MGST1: variants seen among roughly 807,000 people sequenced by gnomAD.
MGST1 encodes microsomal glutathione S-transferase 1.
MGST1 carries 5 observed loss-of-function variants against 8.9 expected under a neutral mutation model. The observed-to-expected ratio is 0.56, with a 90% confidence interval of 0.29 to 1.19. The LOEUF (loss-of-function observed/expected upper bound fraction) is 1.19. MGST1 is among the 50% of genes most tolerant of loss of function. The pLI is 0.08. For synonymous variants in MGST1, 54 were observed against 67.8 expected (o/e 0.80, Z 1.00); for missense variants, 182 against 187.4 (o/e 0.97, Z 0.17).
chr12:16,566,232 A>G (rs1475296898), intron 4 of MGST1, among the ~76,000 whole-genome samples: 1 of 151,468 alleles, frequency 6.6e-6, no homozygotes, highest in African/African-American at 2.4e-5. Context: ...AGTGATTACC[A>G]GAGACTGGGA....
chr12:16,567,698 C>T (rs2137402900), intron 4 of MGST1: 1 of 152,184 alleles, frequency 6.6e-6, no homozygotes, highest in Admixed American at 6.5e-5. Flanking sequence ...GTAGAGAAAC[C>T]TACACAGCCT....
intron 4 of MGST1, chr12:16,551,347 TAAAA>T: frequency 7.1e-7 from 1 of 1,406,458 alleles, no homozygotes; most frequent in Non-Finnish European, 1.0e-6. Context: ...TTTTAAACAA[TAAAA>T]TGTGGTTAAG....
In MGST1 at chr12:16,555,249, T is replaced by C. The variant is rs183261413; in HGVS notation, n.483-34279T>C. On this transcript the variant is annotated intron_variant and non_coding_transcript_variant, in intron 4 of 4. Coordinates refer to the MGST1 transcript ENST00000538857. The surrounding 1 kb of genome is among the most constrained non-coding windows in gnomAD (Gnocchi z 5.5). The stretch of plus-strand genomic sequence containing the variant: ...GAAATATTTCTCCCCTTTTTCTGTC[T>C]ACTTAAATTGTAACAATCCTTGAGT... 1.8e-3 allele frequency among the ~76,000 whole-genome samples: 269 copies of C among 152,340 alleles called. No homozygotes were observed. The highest frequency in any genetic ancestry group is 6.4e-3 in the African/African-American group (265 of 41,574).
chr12:16,498,555 T>C (rs960472367), intron 4 of MGST1, among the ~76,000 whole-genome samples: 1 of 152,182 alleles, frequency 6.6e-6, no homozygotes, highest in African/African-American at 2.4e-5. Flanking sequence ...GTAGTACATC[T>C]CTTCTCAGGT....
At chr12:16,488,872 G>A (rs755450767) in intron 4 of MGST1, among the ~76,000 whole-genome samples, 1 of 152,066 alleles carries the variant, frequency 6.6e-6, no homozygotes, top group Non-Finnish European at 1.5e-5. Context: ...GCTCCAAGAG[G>A]CTGAGGCAGC....
intron 4 of MGST1, among the ~76,000 whole-genome samples, chr12:16,460,638 G>C (rs1255290955): frequency 6.7e-6 from 1 of 150,144 alleles, no homozygotes; most frequent in Non-Finnish European, 1.5e-5. Flanking sequence ...ATTCTTGGTG[G>C]TGGTGTTAAT....
chr12:16,562,741 T>C (rs1352917994), intron 4 of MGST1, among the ~76,000 whole-genome samples: 2 of 152,220 alleles, frequency 1.3e-5, no homozygotes, highest in Non-Finnish European at 2.9e-5. Flanking sequence ...GGAAAATCTA[T>C]GGCAATCTGC....
chr12:16,479,875 A>G (rs947585635), intron 4 of MGST1, among the ~76,000 whole-genome samples: 6 of 152,118 alleles, frequency 3.9e-5, no homozygotes, highest in Non-Finnish European at 7.3e-5. Context: ...AACAGAGTGG[A>G]GGGTACAGAG....
At chr12:16,510,394 A>G (rs1038844759) in intron 4 of MGST1, among the ~76,000 whole-genome samples, 1 of 152,234 alleles carries the variant, frequency 6.6e-6, no homozygotes, top group Non-Finnish European at 1.5e-5. Flanking sequence ...GTCTATTATG[A>G]GGACAGCATT....
chr12:16,539,481 A>C (rs546619897), intron 4 of MGST1, among the ~76,000 whole-genome samples: 1 of 152,320 alleles, frequency 6.6e-6, no homozygotes, highest in Non-Finnish European at 1.5e-5. Flanking sequence ...TCTAAAACTC[A>C]TCTTCTTCCA....
chr12:16,439,109 CAT>C (rs771320368), downstream of MGST1, among the ~76,000 whole-genome samples: 22 of 130,916 alleles, frequency 1.7e-4, 1 homozygote, highest in Non-Finnish European at 3.1e-4. Flanking sequence ...AAAAGTAAGA[CAT>C]GTAAAAAAAA....
chr12:16,445,039 G>A (rs142541791), intron 4 of MGST1, among the ~76,000 whole-genome samples: 35 of 151,538 alleles, frequency 2.3e-4, no homozygotes, highest in Admixed American at 4.6e-4. Flanking sequence ...TGCTGAAACC[G>A]CCACATTCAT....
intron 1 of MGST1, among the ~76,000 whole-genome samples, chr12:16,398,694 A>G (rs1003976870): frequency 1.3e-5 from 2 of 152,270 alleles, no homozygotes; most frequent in Non-Finnish European, 2.9e-5. Context: ...CAGAATCTGC[A>G]TGAGGCAAGG....
chr12:16,465,404 G>T (rs74333903), intron 4 of MGST1, among the ~76,000 whole-genome samples: 1 of 152,104 alleles, frequency 6.6e-6, no homozygotes, highest in Admixed American at 6.6e-5. Context: ...CCCAAATCCC[G>T]GCCAGTTGAC....
chr12:16,486,402 T>G (rs1292626419), intron 4 of MGST1, among the ~76,000 whole-genome samples: 1 of 152,104 alleles, frequency 6.6e-6, no homozygotes, highest in African/African-American at 2.4e-5. Flanking sequence ...AGAACAATAA[T>G]AGAAAATAAG....
At chr12:16,578,961 T>C (rs1330521626) in intron 4 of MGST1, among the ~76,000 whole-genome samples, 2 of 152,230 alleles carry the variant, frequency 1.3e-5, no homozygotes, top group Non-Finnish European at 2.9e-5. Context: ...AAGTTCTTTA[T>C]TCTAATGAAG....
chr12:16,408,656 C>T (rs540580635), intron 1 of MGST1, among the ~76,000 whole-genome samples: 33 of 152,132 alleles, frequency 2.2e-4, no homozygotes, highest in African/African-American at 4.1e-4. Context: ...TTGAGATTTT[C>T]GTATTTGTGT....
At chr12:16,382,589 G>T (rs1437038625), upstream of MGST1, among the ~76,000 whole-genome samples, 1 of 152,176 alleles carries the variant, frequency 6.6e-6, no homozygotes. Context: ...GGGGATCAGG[G>T]ACCCACTTGA....
In MGST1 at chr12:16,585,993, A is replaced by G. The variant is rs571936660; in HGVS notation, n.483-3535A>G. Among the ~76,000 whole-genome samples, 1 of 152,302 alleles carries G rather than the reference A, an allele frequency of 6.6e-6. No individual in the cohort carries two copies. The highest frequency in any genetic ancestry group is 2.4e-5 in the African/African-American group (1 of 41,568). On this transcript the variant is annotated intron_variant and non_coding_transcript_variant, in intron 4 of 4. Transcript: ENST00000538857. This position sits in a 1 kb window ranked among gnomAD's most constrained non-coding sequence, Gnocchi z 4.7. The stretch of plus-strand genomic sequence containing the variant: ...TGTGATACAGTAAACAAAGTCCCCA[A>G]TAGCATCCTTAGGACACTGATGTTT...
Sources: gnomAD v4.1 joint callset for allele counts (sites outside exome capture counted in the v4.1 genomes callset) on GRCh38, gnomAD v4.1.1 for gene constraint, Gnocchi (gnomAD v3.1) non-coding constraint, MANE v1.5 for transcripts, NCBI Gene and HGNC (gene_info 2026-07-23, HGNC 2026-07-21) for gene names.